CLIP2: variants seen among roughly 807,000 people sequenced by gnomAD.
CLIP2 encodes the protein CAP-Gly domain containing linker protein 2, also known as CAP-Gly domain-containing linker protein 2.
In CLIP2, 41 loss-of-function variants were observed where a neutral mutation model predicts 111.7. The ratio of observed to expected loss-of-function variants is 0.37; its 90% CI spans 0.29 to 0.48. The LOEUF is 0.48. Ranked by LOEUF, CLIP2 falls within the 20% of genes least tolerant of loss-of-function variation. CLIP2 has a pLI of 0.99. For synonymous variants in CLIP2, 660 were observed against 644.2 expected, an observed-to-expected ratio of 1.02 and a Z score of -0.37; for missense variants, 1,160 against 1,422.1, an observed-to-expected ratio of 0.82 and a Z score of 2.96.
At chr7:74,377,247 A>G (rs2116659473) in intron 10 of CLIP2, among the ~76,000 whole-genome samples, 1 of 152,304 alleles carries the variant, frequency 6.6e-6, no homozygotes, top group South Asian at 2.1e-4. Context: ...TCTCCAACTT[A>G]GAAGCTCACC....
chr7:74,368,640 G>A (rs1554311287), intron 8 of CLIP2, among the ~76,000 whole-genome samples: 1 of 152,094 alleles, frequency 6.6e-6, no homozygotes, highest in East Asian at 1.9e-4. Context: ...CCCTGGACCA[G>A]GCCCTAGCAC....
intron 13 of CLIP2, 149 bp downstream of exon 13, chr7:74,389,408 C>T: frequency 1.4e-6 from 1 of 733,654 alleles, no homozygotes; most frequent in Non-Finnish European, 2.1e-6. Context: ...CTGCTCTCCT[C>T]TAAGCTCCGA....
At chr7:74,399,697 A>G (rs1791565204) in intron 14 of CLIP2, among the ~76,000 whole-genome samples, 2 of 151,456 alleles carry the variant, frequency 1.3e-5, no homozygotes, top group South Asian at 4.2e-4. Context: ...GAGCCACCAC[A>G]CCCTGCTAAT....
chr7:74,400,291 C>T, intron 14 of CLIP2, 79 bp from the exon 15 acceptor site: 2 of 1,277,352 alleles, frequency 1.6e-6, no homozygotes, highest in Admixed American at 2.3e-5. Context: ...GGCTGGAAGA[C>T]TTTCCTGCCT....
Position 74,338,745 on chromosome 7 carries a change from C to G in CLIP2, c.419C>G (p.Thr140Arg). 1 of 1,600,074 alleles carries G rather than the reference C, an allele frequency of 6.2e-7. No homozygotes were observed. The highest frequency in any genetic ancestry group is 8.5e-7 in the Non-Finnish European group (1 of 1,175,712). Residue 140 changes from threonine to arginine, a missense_variant, in exon 3 of 17, where the codon ACG becomes AGG. Transcript: ENST00000223398. This position sits in a 1 kb window ranked among gnomAD's most constrained non-coding sequence, Gnocchi z 4.3. ...FECPALQGIF[T>R]RPSKLTRQPT... Reference sequence around the variant, plus strand: ...TGCCCGGCCCTCCAGGGTATCTTCACGCGGCCCTCCAAGCTGACCCGGCAG... The same window carrying G: ...TGCCCGGCCCTCCAGGGTATCTTCAGGCGGCCCTCCAAGCTGACCCGGCAG...
rs528306928 is a variant in CLIP2 at position 74,347,393 on chromosome 7, C to G, written c.679-6487C>G. ...ACGCCATTCTCCTGCCTCAGCCTCC[C>G]GGGTAGCTGGGACTACAGGTGCCCG... On this transcript the variant is annotated intron_variant, in intron 3 of 16. Transcript: ENST00000223398. Among the ~76,000 whole-genome samples the G allele has an allele frequency of 1.6e-4, 24 of 152,268 alleles. No homozygotes were observed. The East Asian group carries it at 4.5e-3, about 28-fold the overall frequency.
chr7:74,396,229 T>C (rs1791444530), intron 13 of CLIP2, among the ~76,000 whole-genome samples: 1 of 152,102 alleles, frequency 6.6e-6, no homozygotes, highest in Non-Finnish European at 1.5e-5. Flanking sequence ...GATTAAGAGG[T>C]GACATGGGAG....
rs542322824 is a variant in CLIP2 at position 74,346,222 on chromosome 7, TCTC to T, written c.678+7221_678+7223del. 1.1e-4 allele frequency among the ~76,000 whole-genome samples: 16 copies of T among 152,080 alleles called. No individual in the cohort carries two copies. The East Asian group carries it at 3.1e-3, about 29-fold the overall frequency. ...TCTTGAACTCCTGGGCTCAAGCAAT[TCTC>T]CTTTCTCAGTCTCCCAAAGTGTTGG... is the stretch of plus-strand genomic sequence containing the variant. On this transcript the variant is annotated intron_variant, in intron 3 of 16. Transcript: ENST00000223398.
intron 1 of CLIP2, among the ~76,000 whole-genome samples, chr7:74,313,222 G>A (rs1458686850): frequency 4.0e-5 from 6 of 151,884 alleles, no homozygotes; most frequent in Non-Finnish European, 7.4e-5. Context: ...CCAGCTACTC[G>A]GGAGCCTGGG....
Position 74,397,109 on chromosome 7 carries a change from C to G in CLIP2, c.2756C>G (p.Ala919Gly), listed in dbSNP as rs1554316775. The G allele has an allele frequency of 6.2e-7, 1 of 1,613,786 alleles. No individual in the cohort carries two copies. Among genetic ancestry groups the G allele is most frequent in the South Asian group, 1.1e-5 (1 of 91,062 alleles). Residue 919 changes from alanine to glycine, a missense_variant, in exon 14 of 17, where the codon GCC becomes GGC. By Grantham distance (60) the Ala-to-Gly change is moderately conservative. Coordinates refer to ENST00000223398, the MANE Select transcript of CLIP2 (RefSeq NM_003388.5). ...LNELRVLLLE[A>G]NRHSPGPERD... ...GAACTGCGGGTGTTGCTGCTGGAGG[C>G]CAATCGTCACTCCCCAGGGCCGGAG...
At chr7:74,400,699 G>T (rs28599180) in intron 15 of CLIP2, 144 bp downstream of exon 15, 9 of 810,802 alleles carry the variant, frequency 1.1e-5, no homozygotes, top group South Asian at 9.6e-5. Context: ...TGGTCTGAAG[G>T]GGGAGGTAGC....
chr7:74,326,284 G>A lies in CLIP2; in HGVS notation c.121+8617G>A, dbSNP rs547953642. ...CACCGAGGCTTGGAGTCTCAGCTGC[G>A]TTGCCCAGGGTTACAGGGCCAGAGC... On this transcript the variant is annotated intron_variant, in intron 2 of 16. Transcript: ENST00000223398. 2.7e-3 allele frequency among the ~76,000 whole-genome samples: 406 copies of A among 152,156 alleles called. 2 individuals carry two copies. The highest frequency in any genetic ancestry group is 8.5e-3 in the African/African-American group (354 of 41,534).
intron 2 of CLIP2, among the ~76,000 whole-genome samples, chr7:74,317,871 G>A (rs1788831509): frequency 6.6e-6 from 1 of 152,196 alleles, no homozygotes; most frequent in African/African-American, 2.4e-5. Context: ...GCTGAGGTCT[G>A]GAGGGTGAAT....
intron 1 of CLIP2, among the ~76,000 whole-genome samples, chr7:74,304,554 G>C (rs1192408024): frequency 3.8e-5 from 3 of 79,938 alleles, no homozygotes; most frequent in Non-Finnish European, 1.0e-4. Context: ...GGGAGACTCT[G>C]ACAAAAAAAA....
In CLIP2 at chr7:74,338,721, G is replaced by T; in HGVS notation, c.395G>T (p.Cys132Phe). The change falls in exon 3 of 17, where the codon TGC becomes TTC. Residue 132 changes from cysteine to phenylalanine, a missense_variant. Cys to Phe is a radical substitution (Grantham distance 205). This residue lies in a region of CLIP2 where 301 missense variants were observed against 315.2 expected (regional missense o/e 0.96). Coordinates refer to ENST00000223398, the MANE Select transcript of CLIP2 (RefSeq NM_003388.5). This position sits in a 1 kb window ranked among gnomAD's most constrained non-coding sequence, Gnocchi z 4.3. ...GAVGGVRYFE[C>F]PALQGIFTRP... ...GTGGGCGGCGTGCGCTACTTCGAGT[G>T]CCCGGCCCTCCAGGGTATCTTCACG... 6.3e-7 allele frequency: 1 copy of T among 1,591,606 alleles called. No homozygotes were observed.
chr7:74,370,045 C>A (rs180941953), intron 8 of CLIP2, among the ~76,000 whole-genome samples: 1,189 of 76,484 alleles, frequency 0.016, 42 homozygotes, highest in African/African-American at 0.042. Flanking sequence ...GTAATTCCAG[C>A]TACTCGGAAG....
chr7:74,296,663 C>T (rs183527472), intron 1 of CLIP2, among the ~76,000 whole-genome samples: 41 of 151,406 alleles, frequency 2.7e-4, no homozygotes, highest in African/African-American at 9.2e-4. Context: ...GTGGTGTGCA[C>T]CTATAGTCCC....
At chr7:74,400,658 C>A in intron 15 of CLIP2, 103 bp downstream of exon 15, 1 of 1,184,090 alleles carries the variant, frequency 8.4e-7, no homozygotes, top group Non-Finnish European at 1.2e-6. Context: ...AAACCCCAGT[C>A]TGAGGAGGTA....
At chr7:74,400,223 A>AC (rs1791580936) in intron 14 of CLIP2, 147 bp from the exon 15 acceptor site, 1 of 586,926 alleles carries the variant, frequency 1.7e-6, no homozygotes, top group African/African-American at 1.9e-5. Context: ...GGAGCACCTC[A>AC]CAGAGGCCTG....
Sources: allele counts gnomAD v4.1 joint callset (sites outside exome capture counted in the v4.1 genomes callset), GRCh38; gene constraint gnomAD v4.1.1; regional missense constraint gnomAD v4.1.1; non-coding constraint Gnocchi (gnomAD v3.1); transcripts MANE v1.5; gene names NCBI Gene and HGNC (gene_info 2026-07-23, HGNC 2026-07-21).